The following KLHDC4 variants were observed in gnomAD, a reference collection of about 807,000 sequenced individuals.
The protein encoded by KLHDC4 is kelch domain-containing protein 4.
KLHDC4 carries 90 observed loss-of-function variants against 62.4 expected under a neutral mutation model. That is an observed-to-expected ratio of 1.44 (90% confidence interval 1.22 to 1.72). The LOEUF (loss-of-function observed/expected upper bound fraction) is 1.72, where lower values mean the gene tolerates loss of function less well. Ranked by LOEUF, KLHDC4 falls within the 40% of genes most tolerant of loss-of-function variation. The pLI is 0.00. For synonymous variants in KLHDC4, 386 were observed against 284.4 expected (o/e 1.36, Z -3.59); for missense variants, 1,025 against 699.7 (o/e 1.47, Z -5.25).
At chr16:87,732,376 A>G (rs1467092637) in intron 5 of KLHDC4, among the ~76,000 whole-genome samples, 1 of 152,152 alleles carries the variant, frequency 6.6e-6, no homozygotes, top group Non-Finnish European at 1.5e-5. Context: ...GATTACAGGC[A>G]TGAGCCACCG....
At chr16:87,743,736 C>A (rs979717345) in intron 5 of KLHDC4, among the ~76,000 whole-genome samples, 3 of 151,172 alleles carry the variant, frequency 2.0e-5, no homozygotes, top group Admixed American at 6.6e-5. Flanking sequence ...CGCGACACCG[C>A]CTCAAAAAAA....
chr16:87,762,145 T>A, intron 1 of KLHDC4, 105 bp from the exon 2 acceptor site: 1 of 1,542,288 alleles, frequency 6.5e-7, no homozygotes, highest in Non-Finnish European at 8.7e-7. Context: ...CTGGGCTCAG[T>A]CACATCTGTG....
intron 5 of KLHDC4, among the ~76,000 whole-genome samples, chr16:87,736,851 G>A (rs367655129): frequency 3.3e-5 from 5 of 152,092 alleles, no homozygotes; most frequent in African/African-American, 9.7e-5. Flanking sequence ...TCGGCCGGGC[G>A]CGGTGGCTCA....
At chr16:87,733,945 G>C (rs1344142638) in intron 5 of KLHDC4, among the ~76,000 whole-genome samples, 1 of 152,340 alleles carries the variant, frequency 6.6e-6, no homozygotes. Context: ...TGCCTATTTA[G>C]ATAATGCATT....
At chr16:87,740,281 A>C (rs766571562) in intron 5 of KLHDC4, among the ~76,000 whole-genome samples, 6 of 151,918 alleles carry the variant, frequency 3.9e-5, no homozygotes, top group Non-Finnish European at 5.9e-5. Context: ...CAGTGATCCC[A>C]CCCGACATGT....
chr16:87,714,015 T>C (rs1415048743), intron 8 of KLHDC4, among the ~76,000 whole-genome samples: 1 of 152,098 alleles, frequency 6.6e-6, no homozygotes, highest in Non-Finnish European at 1.5e-5. Context: ...GTTCTGTGCA[T>C]GAGCAACACC....
intron 9 of KLHDC4, chr16:87,710,242 C>T (rs527618596): frequency 6.5e-6 from 1 of 154,722 alleles, no homozygotes. Context: ...TGTCCCACTT[C>T]CCTGGCTGCG....
rs1394125458 is a variant in KLHDC4 at position 87,709,442 on chromosome 16, T to C, written c.1270A>G (p.Ser424Gly). ...CGTGGACACGGCCCAGGTGCGGGGC[T>C]GCCGGCCTCCTCAAGGCTGTCTTCG... The part of the protein sequence containing the change: ...EDEDSLEEAG[S>G]PAPGPCPRSN... Residue 424 changes from serine (S) to glycine (G), a missense_variant, in exon 10 of 12, where the codon AGC (serine) becomes GGC (glycine). Physicochemically the swap from Ser to Gly is moderately conservative, Grantham distance 56 (BLOSUM62 0). Transcript: ENST00000270583. 16 of 1,612,458 alleles carry C rather than the reference T, an allele frequency of 9.9e-6. No individual in the cohort carries two copies. In the East Asian group the frequency reaches 3.6e-4, roughly 36 times the overall value.
At chr16:87,744,557 T>C (rs540434918) in intron 5 of KLHDC4, among the ~76,000 whole-genome samples, 5 of 149,354 alleles carry the variant, frequency 3.3e-5, no homozygotes, top group African/African-American at 1.2e-4. Context: ...CACTCCAGCC[T>C]GGGCAACAGA....
chr16:87,707,072 G>A (rs1341893982), downstream of KLHDC4, among the ~76,000 whole-genome samples: 2 of 152,212 alleles, frequency 1.3e-5, no homozygotes, highest in African/African-American at 4.8e-5. Context: ...TATTCCCACT[G>A]TTCAAAATAT....
downstream of KLHDC4, among the ~76,000 whole-genome samples, chr16:87,705,790 TGGGCGG>T (rs57134800): frequency 1.0e-3 from 153 of 147,288 alleles, no homozygotes; most frequent in Admixed American, 2.0e-3. Flanking sequence ...GGGCAGGGCC[TGGGCGG>T]GGGCGGGGGC....
At chr16:87,735,966 G>A (rs1219418953) in intron 5 of KLHDC4, among the ~76,000 whole-genome samples, 2 of 152,132 alleles carry the variant, frequency 1.3e-5, no homozygotes, top group South Asian at 2.1e-4. Context: ...GCATGCAAAC[G>A]CTTCTCTGAG....
At chr16:87,739,598 G>C (rs112294107) in intron 5 of KLHDC4, among the ~76,000 whole-genome samples, 26 of 115,980 alleles carry the variant, frequency 2.2e-4, no homozygotes, top group Admixed American at 3.4e-4. Context: ...ACACCAGCAC[G>C]TCATCCATCC....
intron 7 of KLHDC4, among the ~76,000 whole-genome samples, chr16:87,719,412 G>A (rs968425875): frequency 1.3e-5 from 2 of 152,164 alleles, no homozygotes; most frequent in Non-Finnish European, 2.9e-5. Context: ...TCCACTCAGG[G>A]TTAAATGGAT....
chr16:87,704,420 TGAACGTCAC>T (rs1181509763), downstream of KLHDC4, among the ~76,000 whole-genome samples: 50 of 98,318 alleles, frequency 5.1e-4, 2 homozygotes, highest in South Asian at 9.4e-4. Context: ...GGGAGGGTCC[TGAACGTCAC>T]GGGGAAGGAG....
At chr16:87,721,800 T>C (rs2038410893) in intron 7 of KLHDC4, among the ~76,000 whole-genome samples, 1 of 152,224 alleles carries the variant, frequency 6.6e-6, no homozygotes, top group South Asian at 2.1e-4. Flanking sequence ...GCATGGACGT[T>C]ATCTCCTGAC....
Position 87,755,288 on chromosome 16 carries a change from A to G in KLHDC4, c.275T>C (p.Phe92Ser), listed in dbSNP as rs1224490942. 1.9e-6 allele frequency: 3 copies of G among 1,575,204 alleles called. No individual in the cohort carries two copies. The highest frequency in any genetic ancestry group is 2.6e-6 in the Non-Finnish European group (3 of 1,145,408). Residue 92 changes from phenylalanine to serine, a missense_variant, in exon 4 of 12, where the codon TTT becomes TCT. By Grantham distance (155) the Phe-to-Ser change is radical. Transcript: ENST00000270583. ...GGEYFNGQKT[F>S]LYNELYVYNT... ...GTAGACATAGAGCTCGTTATACAAA[A>G]AAGTCTACAGGAAGGAAGAAGAATG...
chr16:87,711,318 CCT>C lies in KLHDC4; in HGVS notation c.959_960del (p.Glu320GlyfsTer24). 1 of 1,614,124 alleles carries C rather than the reference CCT, an allele frequency of 6.2e-7. No individual in the cohort carries two copies. Among genetic ancestry groups the C allele is most frequent in the Non-Finnish European group, 8.5e-7 (1 of 1,180,038 alleles). ...AAGAACTCGCCCGACAGGCTCTCCTCCTCTTCCTCGTCACAGACACCCCCGAA... is the reference window on the plus strand; with the variant it reads ...AAGAACTCGCCCGACAGGCTCTCCTCCTTCCTCGTCACAGACACCCCCGAA... ...LFFGGVCDEE[E>X]EESLSGEFFN... On this transcript the variant is annotated frameshift_variant, in exon 9 of 12. Coordinates refer to ENST00000270583, the MANE Select transcript of KLHDC4 (RefSeq NM_017566.4). LOFTEE classifies it high-confidence loss of function.
chr16:87,755,513 C>G, intron 3 of KLHDC4: 1 of 421,882 alleles, frequency 2.4e-6, no homozygotes, highest in Non-Finnish European at 4.4e-6. Flanking sequence ...CTGGAAGGTA[C>G]TGAAAGCCCT....
Sources: gnomAD v4.1 joint callset for allele counts (sites outside exome capture counted in the v4.1 genomes callset) on GRCh38, gnomAD v4.1.1 for gene constraint, MANE v1.5 for transcripts, NCBI Gene and HGNC (gene_info 2026-07-23, HGNC 2026-07-21) for gene names.